HYCC2: variants seen among roughly 807,000 people sequenced by gnomAD.
The protein encoded by HYCC2 is hyccin PI4KA lipid kinase complex subunit 2.
the HYCC2 span, chr2:200,980,939 T>A: frequency 3.2e-6 from 1 of 314,938 alleles, no homozygotes; most frequent in East Asian, 6.6e-5. Flanking sequence ...TTTCCTCTAA[T>A]GTACCCTCAG....
At chr2:201,001,172 G>A in the HYCC2 span, among the ~76,000 whole-genome samples, 1,713 of 151,628 alleles carry the variant, frequency 0.011, 17 homozygotes, top group Non-Finnish European at 0.017. Flanking sequence ...GGGCCTTTGG[G>A]ACACGATTAG....
At chr2:201,001,001 G>C in the HYCC2 span, among the ~76,000 whole-genome samples, 1 of 151,880 alleles carries the variant, frequency 6.6e-6, no homozygotes, top group African/African-American at 2.4e-5. Context: ...AGCCAGGCAC[G>C]GTGTTGCACA....
At chr2:201,020,246 G>GA in the HYCC2 span, among the ~76,000 whole-genome samples, 1 of 152,250 alleles carries the variant, frequency 6.6e-6, no homozygotes, top group South Asian at 2.1e-4. Flanking sequence ...CCTTGGGTTA[G>GA]AAAAAATCAT....
the HYCC2 span, among the ~76,000 whole-genome samples, chr2:200,997,916 G>T: frequency 6.6e-6 from 1 of 152,132 alleles, no homozygotes; most frequent in Non-Finnish European, 1.5e-5. Context: ...CATGCCTGTA[G>T]TCCCAGCTAC....
the HYCC2 span, among the ~76,000 whole-genome samples, chr2:201,071,148 T>G: frequency 6.6e-6 from 1 of 152,196 alleles, no homozygotes; most frequent in South Asian, 2.1e-4. Context: ...GTGTTCAGAA[T>G]CTGACCGCCA....
At chr2:201,021,523 C>T in the HYCC2 span, 3 of 153,676 alleles carry the variant, frequency 2.0e-5, no homozygotes, top group Admixed American at 6.5e-5. Flanking sequence ...ACTTCTTATA[C>T]ACTTGTGAGC....
chr2:201,050,953 A>G, the HYCC2 span, among the ~76,000 whole-genome samples: 1 of 152,206 alleles, frequency 6.6e-6, no homozygotes. Flanking sequence ...ACAAACAAAC[A>G]AACAAACCCA....
chr2:200,985,351 T>G, the HYCC2 span, among the ~76,000 whole-genome samples: 136 of 152,226 alleles, frequency 8.9e-4, no homozygotes, highest in African/African-American at 3.2e-3. Context: ...ATTTGGCTTC[T>G]GTTAATACTG....
At chr2:201,019,893 C>A in the HYCC2 span, among the ~76,000 whole-genome samples, 1 of 151,932 alleles carries the variant, frequency 6.6e-6, no homozygotes, top group Non-Finnish European at 1.5e-5. Flanking sequence ...AGTTCAAGGC[C>A]AGCCTTGAAC....
At chr2:200,985,660 T>A in the HYCC2 span, among the ~76,000 whole-genome samples, 1 of 151,980 alleles carries the variant, frequency 6.6e-6, no homozygotes, top group Non-Finnish European at 1.5e-5. Flanking sequence ...AGATCCTGCC[T>A]CAAAAAAATA....
At chr2:201,011,504 A>ACGGCG in the HYCC2 span, 2 of 1,098,666 alleles carry the variant, frequency 1.8e-6, no homozygotes, top group South Asian at 1.8e-5. Context: ...AGATAATGAA[A>ACGGCG]TAATCACAGA....
chr2:200,978,530 C>CAGTAGT, the HYCC2 span: 1 of 121,546 alleles, frequency 8.2e-6, no homozygotes, highest in African/African-American at 3.2e-5. Context: ...GGCTGGAGTA[C>CAGTAGT]AGTAGTGCAT....
the HYCC2 span, among the ~76,000 whole-genome samples, chr2:201,042,075 G>T: frequency 1.3e-5 from 2 of 152,220 alleles, no homozygotes; most frequent in South Asian, 4.1e-4. Context: ...TCCTGCCTCA[G>T]ACTGCCAAGT....
chr2:201,021,415 C>G, the HYCC2 span: 1 of 153,590 alleles, frequency 6.5e-6, no homozygotes, highest in African/African-American at 2.4e-5. Flanking sequence ...CAAAGTCCCA[C>G]ACATTAATAT....
the HYCC2 span, chr2:200,981,362 C>T: frequency 6.2e-7 from 1 of 1,614,162 alleles, no homozygotes; most frequent in South Asian, 1.1e-5. This position sits in a 1 kb window ranked among gnomAD's most constrained non-coding sequence, Gnocchi z 4.5. Context: ...TTACCTTCGC[C>T]AGCTTGACCT....
chr2:201,041,295 T>G, the HYCC2 span, among the ~76,000 whole-genome samples: 1 of 152,194 alleles, frequency 6.6e-6, no homozygotes, highest in Non-Finnish European at 1.5e-5. Flanking sequence ...ATGCCATAAT[T>G]TTGAAATCTA....
the HYCC2 span, among the ~76,000 whole-genome samples, chr2:201,033,621 G>A: frequency 6.6e-6 from 1 of 151,846 alleles, no homozygotes; most frequent in African/African-American, 2.4e-5. Flanking sequence ...AGCCGGTATG[G>A]TCTCGATCTC....
the HYCC2 span, among the ~76,000 whole-genome samples, chr2:201,029,801 G>C: frequency 6.6e-6 from 1 of 152,108 alleles, no homozygotes; most frequent in Middle Eastern, 3.2e-3. Context: ...ATGGGGGAAG[G>C]ATAGCCATTA....
the HYCC2 span, among the ~76,000 whole-genome samples, chr2:201,025,808 T>C: frequency 4.6e-5 from 7 of 152,002 alleles, no homozygotes; most frequent in Non-Finnish European, 8.8e-5. Context: ...CCTGCAGTTC[T>C]AGCACTTTGG....
Sources: gnomAD v4.1 joint callset for allele counts (sites outside exome capture counted in the v4.1 genomes callset) on GRCh38, gnomAD v4.1.1 for gene constraint, Gnocchi (gnomAD v3.1) non-coding constraint, MANE v1.5 for transcripts, NCBI Gene and HGNC (gene_info 2026-07-23, HGNC 2026-07-21) for gene names.